Variants in OR51E2 observed in about 807,000 individuals in gnomAD.
The protein encoded by OR51E2 is olfactory receptor family 51 subfamily E member 2, also known as olfactory receptor 51E2.
Under a neutral mutation model 13.7 loss-of-function variants are expected in OR51E2, and 14 were observed. The observed-to-expected ratio is 1.02, with a 90% CI of 0.68 to 1.60. The LOEUF (loss-of-function observed/expected upper bound fraction) is 1.60. Among genes scored for constraint, OR51E2 ranks in the 40% most tolerant of loss-of-function variants. The pLI is 0.00. For missense variants in OR51E2, 483 were observed against 413.8 expected, an observed-to-expected ratio of 1.17 and a Z score of -1.45; for synonymous variants, 180 against 157.6, an observed-to-expected ratio of 1.14 and a Z score of -1.07.
chr11:4,681,662 G>A lies in OR51E2; in HGVS notation c.*87C>T. 1 of 1,485,398 alleles carries A rather than the reference G, an allele frequency of 6.7e-7. No homozygotes were observed. Among genetic ancestry groups the A allele is most frequent in the East Asian group, 2.3e-5 (1 of 44,046 alleles). 92.0% of individuals were successfully genotyped at this position (1,485,398 alleles called of 1,614,324 possible). A position where few individuals can be genotyped will look rare whatever the true frequency, so the allele number is the denominator to read the frequency against. ...TCCAGCCAGAGAAAAGTACTGATGT[G>A]CTTATGGGCAACTGGAAATAAGCTA... On this transcript the variant is annotated 3_prime_UTR_variant, in exon 2 of 2. Transcript: ENST00000396950.
chr11:4,682,913 T>C (rs1172078549), intron 1 of OR51E2, among the ~76,000 whole-genome samples, 152 bp from the exon 2 acceptor site: 1 of 152,242 alleles, frequency 6.6e-6, no homozygotes, highest in Non-Finnish European at 1.5e-5. Context: ...AATTCATTTA[T>C]GCATCACTAC....
chr11:4,691,918 T>C (rs1330772448), intron 1 of OR51E2, among the ~76,000 whole-genome samples: 4 of 152,256 alleles, frequency 2.6e-5, no homozygotes, highest in Admixed American at 2.0e-4. Flanking sequence ...TGCCTTAGTG[T>C]ACAATCTTTC....
intron 1 of OR51E2, among the ~76,000 whole-genome samples, chr11:4,686,149 A>C (rs1040950109): frequency 3.9e-5 from 6 of 152,196 alleles, no homozygotes; most frequent in African/African-American, 1.4e-4. Flanking sequence ...AATAAGACAA[A>C]GTCCTTGCCT....
intron 1 of OR51E2, chr11:4,690,823 A>G (rs1847568861): frequency 2.2e-6 from 1 of 451,524 alleles, no homozygotes; most frequent in Non-Finnish European, 4.4e-6. Context: ...TTCACACTGT[A>G]GATGACAGGG....
intron 1 of OR51E2, among the ~76,000 whole-genome samples, chr11:4,693,098 A>G (rs1170300520): frequency 6.6e-6 from 1 of 152,200 alleles, no homozygotes; most frequent in Non-Finnish European, 1.5e-5. Flanking sequence ...AAAAGAGAGA[A>G]TTTTAAATGT....
chr11:4,696,405 T>C (rs868495660), intron 1 of OR51E2, among the ~76,000 whole-genome samples: 1 of 152,052 alleles, frequency 6.6e-6, no homozygotes, highest in Admixed American at 6.6e-5. Flanking sequence ...CTCTCTCTCA[T>C]CCCTTACATA....
At position 4,682,172 on chromosome 11, in the gene OR51E2, G is replaced by A. The variant is rs772751645; in HGVS notation, c.540C>T (p.His180=). The A allele has an allele frequency of 2.5e-6, 4 of 1,614,156 alleles. No individual in the cohort carries two copies. In the African/African-American group the frequency reaches 4.0e-5, roughly 16 times the overall value. The part of the protein sequence containing the change: ...SNVLSHSYCV[H]QDVMKLAYAD... ...CATAGGCCAACTTCATTACATCCTG[G>A]TGGACACAATAGGAGTGCGAGAGGA... The change falls in exon 2 of 2, where the codon CAC becomes CAT. Residue 180 remains histidine (H), a synonymous_variant. Transcript: ENST00000396950.
At chr11:4,687,992 C>A (rs73388897) in intron 1 of OR51E2, among the ~76,000 whole-genome samples, 2 of 152,018 alleles carry the variant, frequency 1.3e-5, no homozygotes, top group Admixed American at 6.6e-5. Context: ...AGAGGGGAAG[C>A]AATGAAGCTT....
intron 1 of OR51E2, chr11:4,690,701 A>G (rs1847566547): frequency 3.1e-6 from 1 of 325,304 alleles, no homozygotes; most frequent in Non-Finnish European, 6.0e-6. Context: ...TTAATTGGAA[A>G]CATGACCTGA....
chr11:4,685,205 G>A (rs1379515428), intron 1 of OR51E2: 1 of 152,174 alleles, frequency 6.6e-6, no homozygotes, highest in African/African-American at 2.4e-5. Flanking sequence ...GCAGACAGAG[G>A]AAAAACATCT....
intron 1 of OR51E2, among the ~76,000 whole-genome samples, chr11:4,696,855 C>T (rs1431068152): frequency 6.6e-6 from 1 of 152,150 alleles, no homozygotes; most frequent in Non-Finnish European, 1.5e-5. Flanking sequence ...CAGTATTCTC[C>T]ATGCTATTGT....
At chr11:4,689,422 T>G (rs1847551736) in intron 1 of OR51E2, among the ~76,000 whole-genome samples, 1 of 152,178 alleles carries the variant, frequency 6.6e-6, no homozygotes, top group Admixed American at 6.5e-5. Flanking sequence ...ATTGCTATTA[T>G]AATTATTATA....
rs1021541664 is a variant in OR51E2 at position 4,682,201 on chromosome 11, T to C, written c.511A>G (p.Asn171Asp). 4 of 1,614,032 alleles carry C rather than the reference T, an allele frequency of 2.5e-6. No individual in the cohort carries two copies. The highest frequency in any genetic ancestry group is 1.3e-5 in the African/African-American group (1 of 74,972). The change falls in exon 2 of 2, where the codon AAT becomes GAT. Residue 171 changes from asparagine (N) to aspartate (D), a missense_variant. Physicochemically the swap from Asn to Asp is conservative, Grantham distance 23 (BLOSUM62 1). Transcript: ENST00000396950. ...ACACAATAGGAGTGCGAGAGGACATTGGAGTGGCAGAAGGCCAGCCGCTTG... is the reference window on the plus strand; with the variant it reads ...ACACAATAGGAGTGCGAGAGGACATCGGAGTGGCAGAAGGCCAGCCGCTTG... ...LIKRLAFCHSNVLSHSYCVHQ... is the reference protein window; with the variant it reads ...LIKRLAFCHSDVLSHSYCVHQ...
chr11:4,686,915 A>C (rs1847522723), intron 1 of OR51E2, among the ~76,000 whole-genome samples: 1 of 152,066 alleles, frequency 6.6e-6, no homozygotes, highest in Non-Finnish European at 1.5e-5. Flanking sequence ...GGACAGGAGG[A>C]CTGTCCACAG....
At chr11:4,692,860 A>G (rs1465635559) in intron 1 of OR51E2, among the ~76,000 whole-genome samples, 1 of 147,372 alleles carries the variant, frequency 6.8e-6, no homozygotes, top group Non-Finnish European at 1.5e-5. Context: ...GTGAAAAAAA[A>G]AGGGGGGGTG....
intron 1 of OR51E2, among the ~76,000 whole-genome samples, chr11:4,686,854 C>T (rs1847521739): frequency 6.6e-6 from 1 of 151,818 alleles, no homozygotes; most frequent in Admixed American, 6.6e-5. Context: ...GTCTCGGTGT[C>T]TACATTACCA....
At chr11:4,696,912 C>T (rs1847662469) in intron 1 of OR51E2, among the ~76,000 whole-genome samples, 4 of 151,914 alleles carry the variant, frequency 2.6e-5, no homozygotes, top group Admixed American at 2.6e-4. Context: ...CAGATTCTTG[C>T]TCAAACACTA....
rs148019146 is a variant in OR51E2, at chr11:4,682,654, C to G, written c.58G>C (p.Glu20Gln). Residue 20 changes from glutamate (E) to glutamine (Q), a missense_variant, in exon 2 of 2, where the codon GAG becomes CAG. Transcript: ENST00000396950. ...AAGCCAACCCAGAAATGGGCTTTCT[C>G]TAATCCTGGGATACCAATAAGCACA... ...TFVLIGIPGL[E>Q]KAHFWVGFPL... 5.3e-5 allele frequency: 86 copies of G among 1,614,086 alleles called. 1 individual carries two copies. Among genetic ancestry groups the G allele is most frequent in the Non-Finnish European group, 6.4e-5 (75 of 1,180,032 alleles).
Position 4,682,289 on chromosome 11 carries a change from G to T in OR51E2, c.423C>A (p.Ala141=). The change falls in exon 2 of 2, where the codon GCC becomes GCA. Residue 141 remains alanine (A), a synonymous_variant. Coordinates refer to ENST00000396950, the MANE Select transcript of OR51E2 (RefSeq NM_030774.4). The stretch of plus-strand genomic sequence containing the variant: ...GGACCACAGCCACGATGCCAATCTG[G>T]GCTGTTACTGTATTGTTGAGCACTG... ...HAAVLNNTVT[A]QIGIVAVVRG... is the part of the protein sequence containing the mutation. 6.2e-7 allele frequency: 1 copy of T among 1,614,170 alleles called. No homozygotes were observed. Among genetic ancestry groups the T allele is most frequent in the Non-Finnish European group, 8.5e-7 (1 of 1,180,034 alleles).
Sources: allele counts gnomAD v4.1 joint callset (sites outside exome capture counted in the v4.1 genomes callset), GRCh38; gene constraint gnomAD v4.1.1; transcripts MANE v1.5; gene names NCBI Gene and HGNC (gene_info 2026-07-23, HGNC 2026-07-21).